KMT2E: variants seen among roughly 807,000 people sequenced by gnomAD.
The protein encoded by KMT2E is histone reader KMT2E.
A neutral mutation model predicts 184.6 loss-of-function variants in KMT2E; 30 were observed. That is an observed-to-expected ratio of 0.16 (90% CI 0.12 to 0.22). The LOEUF (loss-of-function observed/expected upper bound fraction) is 0.22, where lower values mean the gene tolerates loss of function less well. KMT2E is among the 10% of genes least tolerant of loss of function. The probability of loss-of-function intolerance (pLI) is 1.00; values close to 1 mark genes in which losing one functional copy is unlikely to be tolerated. For missense variants in KMT2E, 2,023 were observed against 2,237.4 expected (o/e 0.90, Z 1.93); for synonymous variants, 815 against 776.5 (o/e 1.05, Z -0.82).
Position 105,034,096 on chromosome 7 carries a change from G to A in KMT2E, c.-188-4030G>A, listed in dbSNP as rs139583452. 1.8e-3 allele frequency among the ~76,000 whole-genome samples: 279 copies of A among 152,216 alleles called. 1 individual carries two copies. The highest frequency in any genetic ancestry group is 6.4e-3 in the African/African-American group (265 of 41,540). On this transcript the variant is annotated intron_variant, in intron 1 of 26. Transcript: ENST00000311117. The stretch of plus-strand genomic sequence containing the variant: ...CCCTACCTCTTAAAGGCTCCACATC[G>A]TAACCTTGCTTCACTAGAAATTAAG...
In KMT2E at chr7:105,028,419, A is replaced by G. The variant is rs567912074; in HGVS notation, c.-188-9707A>G. Reference sequence around the variant, plus strand: ...TGGGCTCAAGTGATCCGCCTGCCTCAGCCTCCCAAAGTGCTAGGATTACAG... The same window carrying G: ...TGGGCTCAAGTGATCCGCCTGCCTCGGCCTCCCAAAGTGCTAGGATTACAG... On this transcript the variant is annotated intron_variant, in intron 1 of 26. Transcript: ENST00000311117. 2.3e-4 allele frequency among the ~76,000 whole-genome samples: 35 copies of G among 152,256 alleles called. 1 individual carries two copies. The East Asian group carries it at 6.2e-3, about 27-fold the overall frequency.
chr7:105,071,609 T>TATATATATATATATATATA (rs1491132838), intron 6 of KMT2E, among the ~76,000 whole-genome samples: 7 of 45,412 alleles, frequency 1.5e-4, no homozygotes, highest in Admixed American at 2.7e-4. Context: ...TATATATATA[T>TATATATATATATATATATA]TTTTTTTTTT....
In KMT2E at chr7:105,097,183, TAATAA is replaced by T. The variant is rs1212194696; in HGVS notation, c.1723-4237_1723-4233del. Among the ~76,000 whole-genome samples the T allele has an allele frequency of 3.3e-5, 5 of 152,324 alleles. 1 individual carries two copies. Among genetic ancestry groups the T allele is most frequent in the African/African-American group, 7.2e-5 (3 of 41,582 alleles). ...CACTTTAGAATATGCAATGCTTTAA[TAATAA>T]AATAGGATAAGTTTGTTGCCAGAAA... is the stretch of plus-strand genomic sequence containing the variant. On this transcript the variant is annotated intron_variant, in intron 15 of 26. Transcript: ENST00000311117.
rs373047617 is a variant in KMT2E, at chr7:105,090,068, G to C, written c.1418G>C (p.Arg473Pro). 6.2e-7 allele frequency: 1 copy of C among 1,613,712 alleles called. No homozygotes were observed. The highest frequency in any genetic ancestry group is 1.1e-5 in the South Asian group (1 of 91,006). ...AACCCAGAGTGCCCTGTTCTAAAACGTAGTTCTGAATCCATGGAAAATATC... is the reference window on the plus strand; with the variant it reads ...AACCCAGAGTGCCCTGTTCTAAAACCTAGTTCTGAATCCATGGAAAATATC... The part of the protein sequence containing the change: ...KENPECPVLK[R>P]SSESMENINS... Residue 473 changes from arginine to proline, a missense_variant, in exon 14 of 27, where the codon CGT becomes CCT. By Grantham distance (103) the Arg-to-Pro change is moderately radical (BLOSUM62 -2). Transcript: ENST00000311117.
intron 3 of KMT2E, among the ~76,000 whole-genome samples, chr7:105,059,028 A>G (rs1291460652): frequency 6.6e-6 from 1 of 152,156 alleles, no homozygotes; most frequent in Non-Finnish European, 1.5e-5. Context: ...TGTATGTGAA[A>G]TCTCATTTTT....
rs192600662 is a variant in KMT2E at position 105,040,691 on chromosome 7, A to G, written c.-114-148A>G. The stretch of plus-strand genomic sequence containing the variant: ...AAACTTTTCTTTTGATCATGATCAC[A>G]TAACTCAATTCCAGAAAAATTAATG... On this transcript the variant is annotated intron_variant, in intron 2 of 26. Transcript: ENST00000311117. 306 of 298,792 alleles carry G rather than the reference A, an allele frequency of 1.0e-3. 2 individuals are homozygous for G. The highest frequency in any genetic ancestry group is 6.1e-3 in the African/African-American group (282 of 46,428). 18.5% of individuals were successfully genotyped at this position (298,792 alleles called of 1,614,324 possible). A position where few individuals can be genotyped will look rare whatever the true frequency, so the allele number is the denominator to read the frequency against.
At position 105,114,976 on chromosome 7, in the gene KMT2E, A is replaced by G. The variant is rs906620870; in HGVS notation, c.*1643A>G. Among the ~76,000 whole-genome samples, 4 of 152,220 alleles carry G rather than the reference A, an allele frequency of 2.6e-5. No individual in the cohort carries two copies. The highest frequency in any genetic ancestry group is 4.4e-5 in the Non-Finnish European group (3 of 68,040). On this transcript the variant is annotated 3_prime_UTR_variant, in exon 27 of 27. Transcript: ENST00000311117. ...CATCTATCCTGATAGTTTCAAACAG[A>G]ATAAAGGTAACTAGCATGTGAAATA...
intron 1 of KMT2E, among the ~76,000 whole-genome samples, chr7:105,032,509 TA>T (rs1214751501): frequency 1.1e-4 from 16 of 152,352 alleles, no homozygotes; most frequent in African/African-American, 3.6e-4. Flanking sequence ...TTTACTTATT[TA>T]TTTTTTTTAG....
At chr7:105,106,887 G>GT in intron 20 of KMT2E, 115 bp downstream of exon 20, 4 of 1,061,630 alleles carry the variant, frequency 3.8e-6, no homozygotes, top group Non-Finnish European at 5.4e-6. Flanking sequence ...AAAAAAGGTT[G>GT]TAAGAAACTA....
At chr7:105,092,519 C>T (rs570054343) in intron 15 of KMT2E, among the ~76,000 whole-genome samples, 48 of 152,236 alleles carry the variant, frequency 3.2e-4, no homozygotes, top group Non-Finnish European at 5.7e-4. Flanking sequence ...CTATAAAGAA[C>T]TGTTTCAGAG....
chr7:105,108,794 G>C, intron 22 of KMT2E, 148 bp from the exon 23 acceptor site: 1 of 669,534 alleles, frequency 1.5e-6, no homozygotes, highest in Non-Finnish European at 2.5e-6. Flanking sequence ...GTAGGCATTT[G>C]GTAATTGTTA....
chr7:105,065,498 A>G (rs564947438), intron 5 of KMT2E, among the ~76,000 whole-genome samples: 12 of 152,288 alleles, frequency 7.9e-5, no homozygotes, highest in Non-Finnish European at 1.3e-4. Context: ...TCCCTGGGGT[A>G]TATGTTCCAA....
At chr7:105,061,026 T>C (rs1796794408) in intron 3 of KMT2E, among the ~76,000 whole-genome samples, 1 of 152,194 alleles carries the variant, frequency 6.6e-6, no homozygotes, top group South Asian at 2.1e-4. Context: ...CAGAACATAA[T>C]GGAGACTCTT....
At chr7:105,055,676 C>T (rs1005482303) in intron 3 of KMT2E, among the ~76,000 whole-genome samples, 2 of 152,146 alleles carry the variant, frequency 1.3e-5, no homozygotes, top group Non-Finnish European at 2.9e-5. Context: ...CTTAGAGAAA[C>T]GTGCTTAAAT....
In KMT2E at chr7:105,114,855, A is replaced by C. The variant is rs572516928; in HGVS notation, c.*1522A>C. On this transcript the variant is annotated 3_prime_UTR_variant, in exon 27 of 27. Transcript: ENST00000311117. ...TCACAGCTTCAAATTTTAGAAGAAC[A>C]TATAGGCCAAGTTTGCCATCCTCAA... 6.6e-6 allele frequency among the ~76,000 whole-genome samples: 1 copy of C among 152,228 alleles called. No individual in the cohort carries two copies. The highest frequency in any genetic ancestry group is 1.5e-5 in the Non-Finnish European group (1 of 68,032).
At chr7:105,094,831 T>C (rs1445001613) in intron 15 of KMT2E, among the ~76,000 whole-genome samples, 1 of 152,224 alleles carries the variant, frequency 6.6e-6, no homozygotes, top group Admixed American at 6.5e-5. Flanking sequence ...CATTTTGTTA[T>C]AGTTACATAT....
At chr7:105,038,700 A>G (rs1795762382) in intron 2 of KMT2E, among the ~76,000 whole-genome samples, 2 of 152,108 alleles carry the variant, frequency 1.3e-5, no homozygotes, top group Non-Finnish European at 2.9e-5. Context: ...GTTAAAGGTC[A>G]CATCTTTTCT....
At position 105,091,979 on chromosome 7, in the gene KMT2E, A is replaced by C. The variant is rs143127908; in HGVS notation, c.1722+665A>C. Reference sequence around the variant, plus strand: ...ATACTTTCCATGCCCTAAAATTTGAAAATGACTTTACAAACTGACTGATGG... The same window carrying C: ...ATACTTTCCATGCCCTAAAATTTGACAATGACTTTACAAACTGACTGATGG... On this transcript the variant is annotated intron_variant, in intron 15 of 26. Transcript: ENST00000311117. 3.5e-3 allele frequency among the ~76,000 whole-genome samples: 534 copies of C among 152,368 alleles called. 1 individual carries two copies. Among genetic ancestry groups the C allele is most frequent in the African/African-American group, 0.012 (505 of 41,582 alleles).
At position 105,111,960 on chromosome 7, in the gene KMT2E, A is replaced by G; in HGVS notation, c.4204A>G (p.Lys1402Glu). 2 of 1,614,160 alleles carry G rather than the reference A, an allele frequency of 1.2e-6. No homozygotes were observed. Among genetic ancestry groups the G allele is most frequent in the East Asian group, 2.2e-5 (1 of 44,880 alleles). Reference sequence around the variant, plus strand: ...TCACCTAAAAACAGAGCTCCAACAAAAACAGCTATCAAATAACAACCAAGC... The same window carrying G: ...TCACCTAAAAACAGAGCTCCAACAAGAACAGCTATCAAATAACAACCAAGC... ...GVHLKTELQQ[K>E]QLSNNNQALS... The change falls in exon 27 of 27, where the codon AAA becomes GAA. Residue 1402 changes from lysine to glutamate, a missense_variant. Lys to Glu is a moderately conservative substitution (Grantham distance 56). Around this residue, in one of 8 missense-constraint regions of KMT2E, gnomAD observed 1,108 missense variants for 1,050.9 expected, o/e 1.05. Coordinates refer to ENST00000311117, the MANE Select transcript of KMT2E (RefSeq NM_182931.3).
Sources: allele counts gnomAD v4.1 joint callset (sites outside exome capture counted in the v4.1 genomes callset), GRCh38; gene constraint gnomAD v4.1.1; regional missense constraint gnomAD v4.1.1; transcripts MANE v1.5; gene names NCBI Gene and HGNC (gene_info 2026-07-23, HGNC 2026-07-21).